The following LSAMP variants were observed in gnomAD, a reference collection of about 807,000 sequenced individuals.
LSAMP encodes limbic system associated membrane protein, also known as limbic system-associated membrane protein.
A neutral mutation model predicts 38.6 loss-of-function variants in LSAMP; 7 were observed. The ratio of observed to expected loss-of-function variants is 0.18; its 90% CI spans 0.10 to 0.34. The LOEUF is 0.34. Among genes scored for constraint, LSAMP ranks in the 10% least tolerant of loss-of-function variants. The probability of loss-of-function intolerance (pLI) is 1.00; values close to 1 mark genes in which losing one functional copy is unlikely to be tolerated. For missense variants in LSAMP, 313 were observed against 420.0 expected (o/e 0.75, Z 2.23); for synonymous variants, 154 against 166.8 (o/e 0.92, Z 0.59).
intron 1 of LSAMP, among the ~76,000 whole-genome samples, chr3:116,210,537 C>A (rs975267127): frequency 5.9e-5 from 9 of 152,252 alleles, no homozygotes; most frequent in African/African-American, 2.2e-4. Flanking sequence ...GGCCACAGAC[C>A]GAAGGCTGCA....
intron 1 of LSAMP, among the ~76,000 whole-genome samples, chr3:116,201,766 A>C (rs2045989960): frequency 1.3e-5 from 2 of 152,172 alleles, no homozygotes; most frequent in South Asian, 4.2e-4. Flanking sequence ...CAGTATTAAC[A>C]CCTTGACTGG....
chr3:116,367,189 T>C (rs2048365861), intron 1 of LSAMP, among the ~76,000 whole-genome samples: 2 of 152,176 alleles, frequency 1.3e-5, no homozygotes. Flanking sequence ...GTTTCTTGAA[T>C]ATGAGGCATT....
At chr3:116,359,130 A>C (rs2048266769) in intron 1 of LSAMP, among the ~76,000 whole-genome samples, 1 of 152,250 alleles carries the variant, frequency 6.6e-6, no homozygotes. Context: ...AAACTTATTG[A>C]GAACAGAGTT....
At chr3:115,862,459 T>A (rs1935734008) in intron 3 of LSAMP, among the ~76,000 whole-genome samples, 1 of 152,210 alleles carries the variant, frequency 6.6e-6, no homozygotes, top group Non-Finnish European at 1.5e-5. Context: ...GATGTTGCAA[T>A]GACCTCATAT....
chr3:116,160,863 G>A (rs554475796), intron 1 of LSAMP, among the ~76,000 whole-genome samples: 4 of 152,290 alleles, frequency 2.6e-5, no homozygotes, highest in Admixed American at 2.0e-4. Context: ...GGTCTTGAAT[G>A]AGGCCAGAAA....
chr3:115,812,213 A>G (rs1933859561), intron 6 of LSAMP, among the ~76,000 whole-genome samples: 1 of 152,240 alleles, frequency 6.6e-6, no homozygotes, highest in Admixed American at 6.5e-5. Flanking sequence ...AGCATACAGT[A>G]TAAAATGAGC....
At chr3:116,391,774 C>T (rs949050833) in intron 1 of LSAMP, among the ~76,000 whole-genome samples, 1 of 152,288 alleles carries the variant, frequency 6.6e-6, no homozygotes, top group South Asian at 2.1e-4. Flanking sequence ...GACTGGTGCC[C>T]ACTTCAGGGA....
chr3:115,885,675 T>C (rs1006657644), intron 3 of LSAMP, among the ~76,000 whole-genome samples: 1 of 147,398 alleles, frequency 6.8e-6, no homozygotes, highest in African/African-American at 2.7e-5. Flanking sequence ...TAAAGCAAGA[T>C]AGATGCTTCT....
At chr3:115,875,652 GC>G (rs1559862610) in intron 3 of LSAMP, among the ~76,000 whole-genome samples, 1 of 151,956 alleles carries the variant, frequency 6.6e-6, no homozygotes, top group Admixed American at 6.6e-5. Context: ...GGTCAAAGGA[GC>G]AGGCAAAGCT....
chr3:115,932,444 G>A (rs929324979), intron 3 of LSAMP, among the ~76,000 whole-genome samples: 2 of 152,232 alleles, frequency 1.3e-5, no homozygotes, highest in Non-Finnish European at 2.9e-5. Flanking sequence ...AGAAAGGGGA[G>A]TATGTCATTC....
chr3:116,032,856 C>T (rs1264469669), intron 2 of LSAMP, among the ~76,000 whole-genome samples: 1 of 151,924 alleles, frequency 6.6e-6, no homozygotes, highest in Non-Finnish European at 1.5e-5. Flanking sequence ...AAATTAGATG[C>T]TGTCATATTG....
intron 1 of LSAMP, among the ~76,000 whole-genome samples, chr3:116,294,881 A>G (rs1451355331): frequency 2.0e-5 from 3 of 152,172 alleles, no homozygotes; most frequent in East Asian, 1.9e-4. Context: ...TTTGTCACCA[A>G]CTGAACTTAC....
chr3:116,358,371 T>C (rs1273878608), intron 1 of LSAMP, among the ~76,000 whole-genome samples: 17 of 152,072 alleles, frequency 1.1e-4, no homozygotes, highest in Admixed American at 1.1e-3. Flanking sequence ...GTAATATAGT[T>C]TGAGGATATA....
chr3:116,044,564 G>A (rs1941248308), intron 2 of LSAMP, among the ~76,000 whole-genome samples: 1 of 151,294 alleles, frequency 6.6e-6, no homozygotes, highest in Non-Finnish European at 1.5e-5. Flanking sequence ...TGGGGAGTCT[G>A]ACAGGTCTCT....
intron 1 of LSAMP, among the ~76,000 whole-genome samples, chr3:116,332,136 G>A (rs981033816): frequency 4.0e-5 from 6 of 151,898 alleles, no homozygotes; most frequent in African/African-American, 7.2e-5. Context: ...CACCACACCC[G>A]GCCTTCACTC....
intron 1 of LSAMP, among the ~76,000 whole-genome samples, chr3:116,408,181 T>A (rs934273030): frequency 6.6e-6 from 1 of 152,102 alleles, no homozygotes; most frequent in South Asian, 2.1e-4. Flanking sequence ...TTAAATTTTA[T>A]GTAATGATTA....
chr3:115,877,099 T>A (rs1441670101), intron 3 of LSAMP, among the ~76,000 whole-genome samples: 1 of 152,196 alleles, frequency 6.6e-6, no homozygotes, highest in East Asian at 1.9e-4. Flanking sequence ...GATCTGCCAA[T>A]ATTTTGAGAA....
chr3:116,024,614 T>C (rs1940735101), intron 2 of LSAMP, among the ~76,000 whole-genome samples: 1 of 152,126 alleles, frequency 6.6e-6, no homozygotes, highest in Non-Finnish European at 1.5e-5. Context: ...GAGAAATAGA[T>C]AGATAGATAC....
At chr3:115,854,270 ATTATTATTATTAT>A (rs1202579982) in intron 3 of LSAMP, among the ~76,000 whole-genome samples, 11 of 119,928 alleles carry the variant, frequency 9.2e-5, no homozygotes, top group Non-Finnish European at 1.6e-4. Flanking sequence ...TATTATTATT[ATTATTATTATTAT>A]TTTTTTTTTT....
Sources: gnomAD v4.1 joint callset for allele counts (sites outside exome capture counted in the v4.1 genomes callset) on GRCh38, gnomAD v4.1.1 for gene constraint, MANE v1.5 for transcripts, NCBI Gene and HGNC (gene_info 2026-07-23, HGNC 2026-07-21) for gene names.